Variants in CACNA2D2 observed in about 807,000 individuals in gnomAD.
CACNA2D2 encodes voltage-dependent calcium channel subunit alpha-2/delta-2.
Under a neutral mutation model 166.4 loss-of-function variants are expected in CACNA2D2, and 48 were observed. The observed-to-expected ratio is 0.29, with a 90% confidence interval of 0.23 to 0.37. The LOEUF (loss-of-function observed/expected upper bound fraction) is 0.37, where lower values mean the gene tolerates loss of function less well. Ranked by LOEUF, CACNA2D2 falls within the 10% of genes least tolerant of loss-of-function variation. The pLI is 1.00. For missense variants in CACNA2D2, 1,122 were observed against 1,433.0 expected (o/e 0.78, Z 3.50); for synonymous variants, 561 against 573.7 (o/e 0.98, Z 0.32).
At chr3:50,441,190 G>T (rs1708579496) in intron 2 of CACNA2D2, among the ~76,000 whole-genome samples, 1 of 152,038 alleles carries the variant, frequency 6.6e-6, no homozygotes, top group African/African-American at 2.4e-5. Flanking sequence ...CGGCTCTGTG[G>T]TCCCTCGTCC....
At chr3:50,385,826 G>A (rs587628764) in intron 5 of CACNA2D2, among the ~76,000 whole-genome samples, 17 of 152,338 alleles carry the variant, frequency 1.1e-4, no homozygotes, top group South Asian at 2.1e-4. Flanking sequence ...AGGGGGAGGC[G>A]CGGGAGAAGA....
At chr3:50,469,977 C>G (rs1277034579) in intron 2 of CACNA2D2, among the ~76,000 whole-genome samples, 5 of 152,252 alleles carry the variant, frequency 3.3e-5, no homozygotes, top group Non-Finnish European at 7.3e-5. Flanking sequence ...CTCTCCATGA[C>G]TGCACCACCA....
intron 1 of CACNA2D2, among the ~76,000 whole-genome samples, chr3:50,482,365 T>C (rs1006528293): frequency 2.6e-5 from 4 of 152,192 alleles, no homozygotes; most frequent in African/African-American, 9.7e-5. Context: ...AGTGCCTGAG[T>C]GTACTGAGTG....
chr3:50,373,215 A>T, intron 22 of CACNA2D2: 1 of 751,164 alleles, frequency 1.3e-6, no homozygotes, highest in Non-Finnish European at 2.2e-6. Context: ...GAATGAAAAT[A>T]TTGTGTCTCA....
chr3:50,468,967 T>C (rs1449320552), intron 2 of CACNA2D2, among the ~76,000 whole-genome samples: 3 of 152,058 alleles, frequency 2.0e-5, no homozygotes, highest in East Asian at 3.8e-4. Flanking sequence ...TAGCTGGGAT[T>C]ACAGGCATGC....
rs1699053027 is a variant in CACNA2D2, at chr3:50,503,141, G to C, written c.206+77C>G. ...CCTCTGCCCTGGCGCGGAGCGCAGG[G>C]AAGGAGTAGCGCGGACCGGGGGCAG... On this transcript the variant is annotated intron_variant, in intron 1 of 37. Coordinates refer to ENST00000424201, the MANE Select transcript of CACNA2D2 (RefSeq NM_006030.4). 7 of 850,354 alleles carry C rather than the reference G, an allele frequency of 8.2e-6. No individual in the cohort carries two copies. The South Asian group carries it at 4.1e-4, about 49-fold the overall frequency. The allele number at this position is 850,354 out of a possible 1,614,324, so 52.7% of individuals were successfully genotyped here.
intron 2 of CACNA2D2, among the ~76,000 whole-genome samples, chr3:50,470,084 C>G (rs1709999137): frequency 6.6e-6 from 1 of 152,238 alleles, no homozygotes; most frequent in Non-Finnish European, 1.5e-5. Flanking sequence ...TGAGGCTACT[C>G]AGAATCCCAG....
Position 50,376,021 on chromosome 3 carries a change from C to T in CACNA2D2, c.1715G>A (p.Arg572Gln), listed in dbSNP as rs141415086. Residue 572 changes from arginine (R) to glutamine (Q), a missense_variant, in exon 19 of 38, where the codon CGG becomes CAG. Arg to Gln is a conservative substitution (Grantham distance 43). Coordinates refer to ENST00000424201, the MANE Select transcript of CACNA2D2 (RefSeq NM_006030.4). The surrounding 1 kb of genome is among the most constrained non-coding windows in gnomAD (Gnocchi z 4.3). ...PNLKPQTTNF[R>Q]EPVTLDFLDA... ...CAGGAAGTCCAGAGTCACAGGCTCCCGGAAGTTGGTGGTCTGTTGGAGGCA... is the reference window on the plus strand; with the variant it reads ...CAGGAAGTCCAGAGTCACAGGCTCCTGGAAGTTGGTGGTCTGTTGGAGGCA... 2.5e-5 allele frequency: 40 copies of T among 1,613,256 alleles called. No homozygotes were observed. Among genetic ancestry groups the T allele is most frequent in the Non-Finnish European group, 3.1e-5 (36 of 1,179,992 alleles).
In CACNA2D2 at chr3:50,380,645, C is replaced by A; in HGVS notation, c.842+103G>T. The stretch of plus-strand genomic sequence containing the variant: ...TGAAATGAAAATTGGATACAGCTGG[C>A]TGCGCCCTGCTAGGAGGCTTGGAAA... On this transcript the variant is annotated intron_variant, in intron 8 of 37. Transcript: ENST00000424201. The surrounding 1 kb of genome is among the most constrained non-coding windows in gnomAD (Gnocchi z 4.9). The A allele has an allele frequency of 1.1e-6, 1 of 936,824 alleles. No homozygotes were observed. Among genetic ancestry groups the A allele is most frequent in the Non-Finnish European group, 1.6e-6 (1 of 639,842 alleles). The allele number at this position is 936,824 out of a possible 1,614,324, so 58.0% of individuals were successfully genotyped here.
chr3:50,382,190 A>G (rs1196946383), intron 6 of CACNA2D2, among the ~76,000 whole-genome samples: 1 of 152,114 alleles, frequency 6.6e-6, no homozygotes, highest in Non-Finnish European at 1.5e-5. Flanking sequence ...GGACACTAGG[A>G]CAAAACGGCA....
chr3:50,491,384 G>C (rs914263604), intron 1 of CACNA2D2, among the ~76,000 whole-genome samples: 8 of 152,200 alleles, frequency 5.3e-5, no homozygotes, highest in African/African-American at 1.9e-4. Flanking sequence ...ACTGGAAGAG[G>C]AAGGGCCAAG....
At chr3:50,418,166 G>A (rs954123939) in intron 3 of CACNA2D2, among the ~76,000 whole-genome samples, 16 of 152,092 alleles carry the variant, frequency 1.1e-4, no homozygotes, top group Admixed American at 6.5e-4. Flanking sequence ...CCCCCACCTC[G>A]CCATCTGCAG....
chr3:50,482,977 G>A (rs909088654), intron 1 of CACNA2D2, among the ~76,000 whole-genome samples: 1 of 152,238 alleles, frequency 6.6e-6, no homozygotes, highest in African/African-American at 2.4e-5. Flanking sequence ...TGGGCCACAA[G>A]ATTACAGTGC....
chr3:50,451,095 C>T (rs1447472784), intron 2 of CACNA2D2, among the ~76,000 whole-genome samples: 3 of 152,182 alleles, frequency 2.0e-5, no homozygotes, highest in Admixed American at 6.5e-5. Flanking sequence ...GCCACCCTGC[C>T]TCTGCCATCA....
At chr3:50,401,356 C>T (rs1430061458) in intron 3 of CACNA2D2, among the ~76,000 whole-genome samples, 1 of 152,202 alleles carries the variant, frequency 6.6e-6, no homozygotes, top group African/African-American at 2.4e-5. Flanking sequence ...CGCCACTCCA[C>T]CCAAGTCCAG....
intron 4 of CACNA2D2, among the ~76,000 whole-genome samples, chr3:50,391,974 T>C (rs1188047302): frequency 6.6e-5 from 10 of 152,092 alleles, no homozygotes. Flanking sequence ...TGGGCAGACA[T>C]CTGGAGAGAG....
chr3:50,382,845 C>A (rs587761687), intron 6 of CACNA2D2, among the ~76,000 whole-genome samples: 1 of 152,174 alleles, frequency 6.6e-6, no homozygotes, highest in Non-Finnish European at 1.5e-5. Context: ...GAGACCCCTG[C>A]TCTGCGTGGG....
In CACNA2D2 at chr3:50,381,132, G is replaced by A. The variant is rs770556697; in HGVS notation, c.653-6C>T. On this transcript the variant is annotated splice_region_variant and splice_polypyrimidine_tract_variant and intron_variant, in intron 6 of 37. Coordinates refer to ENST00000424201, the MANE Select transcript of CACNA2D2 (RefSeq NM_006030.4). ...CTCATTGAGGATGACAGTGGCTGGGGGGAAGCGGGGAGCTGGGGTGGGGAG... is the reference window on the plus strand; with the variant it reads ...CTCATTGAGGATGACAGTGGCTGGGAGGAAGCGGGGAGCTGGGGTGGGGAG... 5.0e-6 allele frequency: 8 copies of A among 1,613,460 alleles called. No individual in the cohort carries two copies. In the South Asian group the frequency reaches 8.8e-5, roughly 18 times the overall value.
intron 4 of CACNA2D2, 41 bp from the exon 5 acceptor site, chr3:50,387,653 T>G (rs1199932143): frequency 6.5e-7 from 1 of 1,537,382 alleles, no homozygotes; most frequent in Non-Finnish European, 9.0e-7. Context: ...CTGCTCAGGG[T>G]CCCGAGACAG....
Sources: gnomAD v4.1 joint callset for allele counts (sites outside exome capture counted in the v4.1 genomes callset) on GRCh38, gnomAD v4.1.1 for gene constraint, Gnocchi (gnomAD v3.1) non-coding constraint, MANE v1.5 for transcripts, NCBI Gene and HGNC (gene_info 2026-07-23, HGNC 2026-07-21) for gene names.